KCTD8: variants seen among roughly 807,000 people sequenced by gnomAD.
KCTD8 encodes BTB/POZ domain-containing protein KCTD8.
In KCTD8, 27 loss-of-function variants were observed where a neutral mutation model predicts 31.5. That is an observed-to-expected ratio of 0.86 (90% CI 0.63 to 1.18). The LOEUF is 1.18. Ranked by LOEUF, KCTD8 falls within the 50% of genes most tolerant of loss-of-function variation. The pLI is 0.00. For missense variants in KCTD8, 658 were observed against 647.7 expected (o/e 1.02, Z -0.17); for synonymous variants, 290 against 280.0 (o/e 1.04, Z -0.36).
chr4:44,408,489 A>T (rs1207096154), intron 1 of KCTD8, among the ~76,000 whole-genome samples: 1 of 152,224 alleles, frequency 6.6e-6, no homozygotes, highest in Non-Finnish European at 1.5e-5. Context: ...AAACAAAAAA[A>T]ATTCCCCTAA....
At chr4:44,315,502 G>A (rs1049779866) in intron 1 of KCTD8, among the ~76,000 whole-genome samples, 4 of 152,006 alleles carry the variant, frequency 2.6e-5, no homozygotes, top group African/African-American at 9.7e-5. Context: ...TTGAAAACTT[G>A]TTTCTAACTT....
chr4:44,281,958 C>T (rs947728905), intron 1 of KCTD8, among the ~76,000 whole-genome samples: 1 of 151,936 alleles, frequency 6.6e-6, no homozygotes, highest in African/African-American at 2.4e-5. Context: ...ATGAGTGGCC[C>T]TGAGGATAAA....
At chr4:44,235,550 T>TATATATATATAC (rs1157403676) in intron 1 of KCTD8, among the ~76,000 whole-genome samples, 21 of 87,354 alleles carry the variant, frequency 2.4e-4, no homozygotes, top group African/African-American at 1.1e-3. Flanking sequence ...TATATATATA[T>TATATATATATAC]ATATATATAT....
chr4:44,208,900 A>G (rs1195259249), intron 1 of KCTD8, among the ~76,000 whole-genome samples: 4 of 152,166 alleles, frequency 2.6e-5, no homozygotes, highest in African/African-American at 9.6e-5. Flanking sequence ...AAAACAGTTT[A>G]AGGTTCATCT....
At chr4:44,377,317 G>A (rs1243070325) in intron 1 of KCTD8, among the ~76,000 whole-genome samples, 3 of 152,104 alleles carry the variant, frequency 2.0e-5, no homozygotes, top group Non-Finnish European at 4.4e-5. Context: ...GCAAAACTAA[G>A]CTCCATTCTC....
At chr4:44,330,255 G>A (rs901191069) in intron 1 of KCTD8, among the ~76,000 whole-genome samples, 3 of 151,682 alleles carry the variant, frequency 2.0e-5, no homozygotes, top group Admixed American at 6.6e-5. Context: ...GGTGGATATC[G>A]CACTTAATGA....
intron 1 of KCTD8, among the ~76,000 whole-genome samples, chr4:44,230,006 T>A (rs1044244841): frequency 6.6e-6 from 1 of 151,806 alleles, no homozygotes; most frequent in African/African-American, 2.4e-5. Context: ...TGTGGGATGT[T>A]CCCCTCCCTG....
intron 1 of KCTD8, among the ~76,000 whole-genome samples, chr4:44,274,283 G>A (rs1191479233): frequency 6.6e-6 from 1 of 151,768 alleles, no homozygotes; most frequent in East Asian, 1.9e-4. Context: ...GGTGTCATGT[G>A]GTTTCCAGCA....
At chr4:44,417,995 GTCCCACTCTTC>G (rs1219421066) in intron 1 of KCTD8, among the ~76,000 whole-genome samples, 3 of 152,096 alleles carry the variant, frequency 2.0e-5, no homozygotes, top group Non-Finnish European at 4.4e-5. Flanking sequence ...GTAAGAAATT[GTCCCACTCTTC>G]AGTAATCTCA....
chr4:44,257,158 G>A (rs1420438434), intron 1 of KCTD8, among the ~76,000 whole-genome samples: 2 of 151,908 alleles, frequency 1.3e-5, no homozygotes, highest in African/African-American at 2.4e-5. Context: ...TTTAGTTTGG[G>A]TTATGGTTAT....
intron 1 of KCTD8, among the ~76,000 whole-genome samples, chr4:44,348,652 T>C (rs138898916): frequency 8.8e-4 from 134 of 152,358 alleles, no homozygotes; most frequent in African/African-American, 3.2e-3. Context: ...GAAGTGATAA[T>C]GATGTGTTGA....
At chr4:44,291,881 C>G (rs991256093) in intron 1 of KCTD8, among the ~76,000 whole-genome samples, 1 of 145,456 alleles carries the variant, frequency 6.9e-6, no homozygotes, top group African/African-American at 2.5e-5. Context: ...AAAACAGGCT[C>G]AACATCACTG....
intron 1 of KCTD8, among the ~76,000 whole-genome samples, chr4:44,259,523 C>T (rs912096913): frequency 6.6e-6 from 1 of 151,850 alleles, no homozygotes; most frequent in African/African-American, 2.4e-5. Flanking sequence ...GCACCTAAAC[C>T]ATCCCAAAAA....
chr4:44,360,859 T>C (rs566822403), intron 1 of KCTD8, among the ~76,000 whole-genome samples: 3 of 152,164 alleles, frequency 2.0e-5, no homozygotes, highest in African/African-American at 4.8e-5. Flanking sequence ...CATTTACTTA[T>C]GTTTATATTT....
In KCTD8 at chr4:44,285,958, A is replaced by G. The variant is rs562428010; in HGVS notation, c.962-110708T>C. On this transcript the variant is annotated intron_variant, in intron 1 of 1. Transcript: ENST00000360029. The stretch of plus-strand genomic sequence containing the variant: ...ACAGGAGTTAATATTAAAAGATTAA[A>G]TAAATTTAAATAGATTAAATTAACG... Among the ~76,000 whole-genome samples the G allele has an allele frequency of 7.9e-5, 12 of 152,278 alleles. No individual in the cohort carries two copies. In the South Asian group the frequency reaches 1.5e-3, roughly 18 times the overall value.
intron 1 of KCTD8, among the ~76,000 whole-genome samples, chr4:44,213,247 A>G (rs532980432): frequency 6.6e-6 from 1 of 151,834 alleles, no homozygotes; most frequent in Admixed American, 6.6e-5. Flanking sequence ...TCTTTTTTTT[A>G]TTGACCAAAA....
intron 1 of KCTD8, among the ~76,000 whole-genome samples, chr4:44,317,510 ATT>A (rs1718172104): frequency 3.3e-5 from 5 of 151,692 alleles, no homozygotes; most frequent in African/African-American, 1.2e-4. Context: ...AAGTGCTGGG[ATT>A]ACAGGCGTGA....
At chr4:44,394,483 T>C (rs1009571582) in intron 1 of KCTD8, among the ~76,000 whole-genome samples, 1 of 152,114 alleles carries the variant, frequency 6.6e-6, no homozygotes, top group Non-Finnish European at 1.5e-5. Flanking sequence ...AAATTCAATG[T>C]CTGTGCAATA....
intron 1 of KCTD8, among the ~76,000 whole-genome samples, chr4:44,336,377 T>A (rs1326070384): frequency 6.6e-6 from 1 of 151,626 alleles, no homozygotes; most frequent in Non-Finnish European, 1.5e-5. Flanking sequence ...AAAATTTATA[T>A]GATAGGTTTC....
Sources: gnomAD v4.1 joint callset for allele counts (sites outside exome capture counted in the v4.1 genomes callset) on GRCh38, gnomAD v4.1.1 for gene constraint, MANE v1.5 for transcripts, NCBI Gene and HGNC (gene_info 2026-07-23, HGNC 2026-07-21) for gene names.